KCNAB1: variants seen among roughly 807,000 people sequenced by gnomAD.
KCNAB1 encodes potassium voltage-gated channel subfamily A regulatory beta subunit 1.
Under a neutral mutation model 64.6 loss-of-function variants are expected in KCNAB1, and 35 were observed. That is an observed-to-expected ratio of 0.54 (90% CI 0.41 to 0.72). The LOEUF (loss-of-function observed/expected upper bound fraction) is 0.72. KCNAB1 is among the 30% of genes least tolerant of loss of function. The probability of loss-of-function intolerance (pLI) is 0.00; values close to 1 mark genes in which losing one functional copy is unlikely to be tolerated. For missense variants in KCNAB1, 401 were observed against 512.9 expected (o/e 0.78, Z 2.11); for synonymous variants, 177 against 183.8 (o/e 0.96, Z 0.30).
At chr3:156,223,186 G>A (rs1298933049) in intron 1 of KCNAB1, among the ~76,000 whole-genome samples, 1 of 152,176 alleles carries the variant, frequency 6.6e-6, no homozygotes, top group African/African-American at 2.4e-5. Flanking sequence ...CAGTGAAGCT[G>A]CAGACCTTTG....
Position 156,204,068 on chromosome 3 carries a change from C to G in KCNAB1, c.275+83182C>G, listed in dbSNP as rs1354698648. Among the ~76,000 whole-genome samples the G allele has an allele frequency of 3.3e-5, 5 of 152,282 alleles. 1 individual carries two copies. The East Asian group carries it at 9.6e-4, about 29-fold the overall frequency. On this transcript the variant is annotated intron_variant, in intron 1 of 13. Coordinates refer to ENST00000490337, the MANE Select transcript of KCNAB1 (RefSeq NM_172160.3). ...TCTGGGCACAGGGTGAAAAGAAGAG[C>G]TTAGAGTAGAAACCAAGATGTCAGT...
chr3:156,152,557 A>G (rs771236980), intron 1 of KCNAB1, among the ~76,000 whole-genome samples: 2 of 152,166 alleles, frequency 1.3e-5, no homozygotes, highest in South Asian at 4.1e-4. Context: ...ATGGATTTTG[A>G]CCCAATTGTC....
At chr3:156,458,808 G>A (rs1365700818) in intron 4 of KCNAB1, among the ~76,000 whole-genome samples, 1 of 152,202 alleles carries the variant, frequency 6.6e-6, no homozygotes, top group Non-Finnish European at 1.5e-5. Flanking sequence ...CTCCTGTGAG[G>A]ATAATCGCTC....
chr3:156,149,730 T>C (rs1455588136), intron 1 of KCNAB1, among the ~76,000 whole-genome samples: 1 of 152,174 alleles, frequency 6.6e-6, no homozygotes, highest in Non-Finnish European at 1.5e-5. Context: ...GGAAAGACTA[T>C]CCCTCTTGCC....
chr3:156,313,754 C>T (rs994730055), intron 1 of KCNAB1, among the ~76,000 whole-genome samples: 1 of 152,160 alleles, frequency 6.6e-6, no homozygotes, highest in Admixed American at 6.5e-5. Context: ...TGTTTTAAGC[C>T]ACTGTTTTTG....
intron 12 of KCNAB1, among the ~76,000 whole-genome samples, chr3:156,525,366 A>C (rs982496664): frequency 2.1e-5 from 3 of 139,614 alleles, no homozygotes; most frequent in African/African-American, 8.6e-5. Context: ...AGTTTTTAAC[A>C]AAAAAAAAAA....
chr3:156,354,106 A>G (rs1725054965), intron 1 of KCNAB1, among the ~76,000 whole-genome samples: 1 of 123,158 alleles, frequency 8.1e-6, no homozygotes, highest in African/African-American at 3.3e-5. Context: ...ATATATGTAT[A>G]TATATGTGTG....
chr3:156,166,174 A>G (rs2108317365), intron 1 of KCNAB1, among the ~76,000 whole-genome samples: 1 of 152,364 alleles, frequency 6.6e-6, no homozygotes, highest in South Asian at 2.1e-4. Flanking sequence ...CTAATGTCTC[A>G]GATGATATGC....
intron 5 of KCNAB1, chr3:156,460,567 A>G (rs949214597): frequency 1.3e-5 from 2 of 152,300 alleles, no homozygotes; most frequent in South Asian, 4.1e-4. Context: ...CTTCCCCAGC[A>G]CGAGTACAGA....
intron 1 of KCNAB1, among the ~76,000 whole-genome samples, chr3:156,312,729 A>AAAAAAAAAAAAAAAAAAAC (rs1560189800): frequency 4.0e-5 from 6 of 150,204 alleles, no homozygotes; most frequent in Admixed American, 6.7e-5. Context: ...AAAAAAAAAA[A>AAAAAAAAAAAAAAAAAAAC]AACTCATAAT....
intron 1 of KCNAB1, among the ~76,000 whole-genome samples, chr3:156,415,286 T>G (rs187257292): frequency 6.6e-6 from 1 of 152,328 alleles, no homozygotes; most frequent in East Asian, 1.9e-4. Flanking sequence ...AATTGAACAC[T>G]GAAATATGCT....
intron 1 of KCNAB1, 91 bp downstream of exon 1, chr3:156,120,977 A>T (rs755132684): frequency 2.9e-5 from 42 of 1,462,956 alleles, no homozygotes; most frequent in Non-Finnish European, 3.9e-5. Flanking sequence ...TGCAGCTGGA[A>T]GTCTTAACGG....
intron 1 of KCNAB1, among the ~76,000 whole-genome samples, chr3:156,344,632 A>G (rs759067047): frequency 1.3e-5 from 2 of 152,208 alleles, no homozygotes; most frequent in Non-Finnish European, 2.9e-5. Flanking sequence ...CCTAAACCCA[A>G]AGATTCCGTT....
intron 2 of KCNAB1, among the ~76,000 whole-genome samples, chr3:156,422,239 A>G (rs1715511948): frequency 6.6e-6 from 1 of 152,222 alleles, no homozygotes; most frequent in Non-Finnish European, 1.5e-5. Flanking sequence ...ATAAAGATGA[A>G]TCTGAAGTCG....
intron 1 of KCNAB1, among the ~76,000 whole-genome samples, chr3:156,154,532 T>C (rs1230778572): frequency 1.3e-5 from 2 of 152,158 alleles, no homozygotes; most frequent in African/African-American, 4.8e-5. Flanking sequence ...GCCAGAGGAT[T>C]TTCTGTCTAT....
Position 156,452,283 on chromosome 3 carries a change from C to T in KCNAB1, c.320-616C>T, listed in dbSNP as rs966313130. Among the ~76,000 whole-genome samples, 2 of 152,182 alleles carry T rather than the reference C, an allele frequency of 1.3e-5. No homozygotes were observed. Among genetic ancestry groups the T allele is most frequent in the African/African-American group, 4.8e-5 (2 of 41,434 alleles). On this transcript the variant is annotated intron_variant, in intron 2 of 13. Coordinates refer to ENST00000490337, the MANE Select transcript of KCNAB1 (RefSeq NM_172160.3). The surrounding 1 kb of genome is among the most constrained non-coding windows in gnomAD (Gnocchi z 4.6). The stretch of plus-strand genomic sequence containing the variant: ...TTTGGCTGCTGAGTGTGCATCTCTC[C>T]CCTTGCCTTCCCAAACCTTACTCCT...
chr3:156,399,669 G>A (rs1392556467), intron 1 of KCNAB1, among the ~76,000 whole-genome samples: 1 of 152,128 alleles, frequency 6.6e-6, no homozygotes, highest in Non-Finnish European at 1.5e-5. Flanking sequence ...ATACTGAACA[G>A]GGTACTGAAC....
intron 1 of KCNAB1, among the ~76,000 whole-genome samples, chr3:156,306,238 C>T (rs910009272): frequency 3.3e-5 from 5 of 152,144 alleles, no homozygotes; most frequent in African/African-American, 1.2e-4. Context: ...TGAGTTTTCC[C>T]TGTGTGGCAT....
chr3:156,272,610 T>C (rs147597034), intron 1 of KCNAB1, among the ~76,000 whole-genome samples: 112 of 151,882 alleles, frequency 7.4e-4, no homozygotes, highest in African/African-American at 2.6e-3. Context: ...TAGCAATGAG[T>C]TCTCCTCTGG....
Sources: allele counts gnomAD v4.1 joint callset (sites outside exome capture counted in the v4.1 genomes callset), GRCh38; gene constraint gnomAD v4.1.1; non-coding constraint Gnocchi (gnomAD v3.1); transcripts MANE v1.5; gene names NCBI Gene and HGNC (gene_info 2026-07-23, HGNC 2026-07-21).